Variants in TMEM132C observed in about 807,000 individuals in gnomAD.
TMEM132C encodes protein phosphatase 1, regulatory subunit 152.
A neutral mutation model predicts 61.4 loss-of-function variants in TMEM132C; 29 were observed. The ratio of observed to expected loss-of-function variants is 0.47; its 90% CI spans 0.35 to 0.64. The LOEUF (loss-of-function observed/expected upper bound fraction) is 0.64, where lower values mean the gene tolerates loss of function less well. TMEM132C is among the 30% of genes least tolerant of loss of function. The pLI is 0.00. For missense variants in TMEM132C, 1,408 were observed against 1,476.9 expected (o/e 0.95, Z 0.76); for synonymous variants, 656 against 633.1 (o/e 1.04, Z -0.54).
chr12:128,622,370 T>TATAC (rs1953976409), intron 4 of TMEM132C, among the ~76,000 whole-genome samples: 1 of 54,442 alleles, frequency 1.8e-5, no homozygotes, highest in Admixed American at 1.5e-4. Flanking sequence ...AATATATATA[T>TATAC]ATATATATAT....
intron 8 of TMEM132C, among the ~76,000 whole-genome samples, 157 bp downstream of exon 8, chr12:128,697,572 C>T (rs528792194): frequency 1.2e-4 from 18 of 152,188 alleles, no homozygotes; most frequent in Non-Finnish European, 2.6e-4. Flanking sequence ...TCATGTTACC[C>T]ACATAGCTTT....
intron 1 of TMEM132C, among the ~76,000 whole-genome samples, chr12:128,366,692 C>G (rs561864447): frequency 6.6e-6 from 1 of 152,208 alleles, no homozygotes; most frequent in Non-Finnish European, 1.5e-5. Context: ...GTTCCTCCTT[C>G]TGAGTTTCAG....
At chr12:128,527,318 C>G (rs537967449) in intron 2 of TMEM132C, among the ~76,000 whole-genome samples, 1 of 152,140 alleles carries the variant, frequency 6.6e-6, no homozygotes, top group Non-Finnish European at 1.5e-5. Flanking sequence ...TTATCTCATG[C>G]GTAGCTGTTT....
rs1461922926 is a variant in TMEM132C at position 128,626,036 on chromosome 12, T to C, written c.1305+9701T>C. Among the ~76,000 whole-genome samples, 3 of 152,296 alleles carry C rather than the reference T, an allele frequency of 2.0e-5. No homozygotes were observed. In the East Asian group the frequency reaches 5.8e-4, roughly 29 times the overall value. ...CTTCACTGCTTTGAAAGTAAAGCACTACATCTTATTACTTAATTCAGTAAT... is the reference window on the plus strand; with the variant it reads ...CTTCACTGCTTTGAAAGTAAAGCACCACATCTTATTACTTAATTCAGTAAT... On this transcript the variant is annotated intron_variant, in intron 4 of 8. Coordinates refer to ENST00000435159, the MANE Select transcript of TMEM132C (RefSeq NM_001136103.3).
chr12:128,578,435 C>T (rs757131659), intron 3 of TMEM132C, among the ~76,000 whole-genome samples: 13 of 152,192 alleles, frequency 8.5e-5, no homozygotes, highest in Non-Finnish European at 8.8e-5. Flanking sequence ...TTCTGCCCAC[C>T]AATAACACCC....
chr12:128,690,961 G>T (rs1024911856), intron 5 of TMEM132C, among the ~76,000 whole-genome samples: 1 of 152,184 alleles, frequency 6.6e-6, no homozygotes, highest in African/African-American at 2.4e-5. Context: ...GGGAAAGAGA[G>T]GGTGATCAGA....
At chr12:128,698,608 CCAG>C (rs1232416438) in intron 8 of TMEM132C, among the ~76,000 whole-genome samples, 1 of 152,244 alleles carries the variant, frequency 6.6e-6, no homozygotes, top group Non-Finnish European at 1.5e-5. Flanking sequence ...CTGGCACATG[CCAG>C]CCAGTGTTAG....
rs1012085166 is a variant in TMEM132C at position 128,414,761 on chromosome 12, A to G, written c.115A>G (p.Ile39Val). ...AGAGGGTCACGGGGTCACAGACAAC[A>G]TACAGAGATTCTCCTCACTGCCACC... ...VIEGHGVTDN[I>V]QRFSSLPPYL... Residue 39 changes from isoleucine (I) to valine (V), a missense_variant, in exon 2 of 9, where the codon ATA (isoleucine) becomes GTA (valine). Transcript: ENST00000435159. 1 of 1,537,302 alleles carries G rather than the reference A, an allele frequency of 6.5e-7. No homozygotes were observed. The highest frequency in any genetic ancestry group is 8.7e-7 in the Non-Finnish European group (1 of 1,146,188).
chr12:128,386,199 T>G (rs538578607), intron 1 of TMEM132C, among the ~76,000 whole-genome samples: 1 of 152,356 alleles, frequency 6.6e-6, no homozygotes, highest in South Asian at 2.1e-4. Flanking sequence ...TTTATTCATT[T>G]GCTCCTGCCC....
At chr12:128,667,445 A>C (rs1954489776) in intron 4 of TMEM132C, among the ~76,000 whole-genome samples, 1 of 152,222 alleles carries the variant, frequency 6.6e-6, no homozygotes, top group Non-Finnish European at 1.5e-5. Context: ...CCTGGATTGC[A>C]GCCCAGCTCC....
intron 4 of TMEM132C, among the ~76,000 whole-genome samples, chr12:128,617,701 G>C (rs2135584867): frequency 6.6e-6 from 1 of 152,234 alleles, no homozygotes; most frequent in African/African-American, 2.4e-5. Context: ...AATCAGGTAG[G>C]GCAGGTGTAG....
intron 1 of TMEM132C, among the ~76,000 whole-genome samples, chr12:128,375,437 G>A (rs1874163633): frequency 6.6e-6 from 1 of 152,150 alleles, no homozygotes; most frequent in Admixed American, 6.5e-5. Context: ...GCTCCAGGCA[G>A]CACCTGGTCT....
intron 1 of TMEM132C, among the ~76,000 whole-genome samples, chr12:128,343,179 A>G (rs1873034166): frequency 6.6e-6 from 1 of 152,162 alleles, no homozygotes; most frequent in Admixed American, 6.5e-5. Flanking sequence ...TAATCCCAGC[A>G]CTTTGGGAGG....
chr12:128,436,894 A>G (rs11834370), intron 2 of TMEM132C, among the ~76,000 whole-genome samples: 6 of 152,082 alleles, frequency 3.9e-5, no homozygotes, highest in Non-Finnish European at 8.8e-5. Context: ...TTGGAACCAA[A>G]CCAAACGTCC....
chr12:128,414,847 C>T lies in TMEM132C; in HGVS notation c.201C>T (p.Ala67=), dbSNP rs1254965311. ...RAETSFFLKE[A]NQDLLRNSSL... ...AGACCTCCTTCTTCCTCAAGGAAGC[C>T]AACCAGGACCTGCTGCGGAACTCCA... Residue 67 remains alanine, a synonymous_variant, in exon 2 of 9, where the codon GCC becomes GCT. Coordinates refer to ENST00000435159, the MANE Select transcript of TMEM132C (RefSeq NM_001136103.3). 2 of 1,549,546 alleles carry T rather than the reference C, an allele frequency of 1.3e-6. No homozygotes were observed. The highest frequency in any genetic ancestry group is 1.7e-6 in the Non-Finnish European group (2 of 1,147,080).
intron 2 of TMEM132C, among the ~76,000 whole-genome samples, chr12:128,526,476 C>T (rs564969940): frequency 1.3e-5 from 2 of 152,286 alleles, no homozygotes; most frequent in East Asian, 3.9e-4. Flanking sequence ...TCCCAAAAGG[C>T]CCCACCTCCT....
At chr12:128,274,588 A>G (rs922093196) in intron 1 of TMEM132C, among the ~76,000 whole-genome samples, 2 of 152,252 alleles carry the variant, frequency 1.3e-5, no homozygotes, top group East Asian at 1.9e-4. Context: ...GAGGTTTCCT[A>G]TGAGCAGGAA....
At chr12:128,425,676 T>G (rs1869156859) in intron 2 of TMEM132C, among the ~76,000 whole-genome samples, 1 of 152,190 alleles carries the variant, frequency 6.6e-6, no homozygotes. Flanking sequence ...CTCCGAAGGC[T>G]CTAGAGAAGG....
intron 2 of TMEM132C, among the ~76,000 whole-genome samples, chr12:128,501,583 G>A (rs1210653568): frequency 1.3e-5 from 2 of 152,162 alleles, no homozygotes; most frequent in Admixed American, 6.5e-5. Flanking sequence ...AACATGGGCT[G>A]TGACGTGCTC....
Sources: gnomAD v4.1 joint callset for allele counts (sites outside exome capture counted in the v4.1 genomes callset) on GRCh38, gnomAD v4.1.1 for gene constraint, MANE v1.5 for transcripts, NCBI Gene and HGNC (gene_info 2026-07-23, HGNC 2026-07-21) for gene names.